Variants in SLC17A8 observed in about 807,000 individuals in gnomAD.
SLC17A8 encodes the protein solute carrier family 17 member 8, also known as vesicular glutamate transporter 3.
SLC17A8 carries 31 observed loss-of-function variants against 58.0 expected under a neutral mutation model. The ratio of observed to expected loss-of-function variants is 0.53; its 90% CI spans 0.40 to 0.72. The LOEUF is 0.72. Ranked by LOEUF, SLC17A8 falls within the 30% of genes least tolerant of loss-of-function variation. SLC17A8 has a pLI of 0.00. For synonymous variants in SLC17A8, 228 were observed against 249.0 expected (o/e 0.92, Z 0.79); for missense variants, 655 against 727.8 (o/e 0.90, Z 1.15).
intron 4 of SLC17A8, among the ~76,000 whole-genome samples, chr12:100,394,352 T>A (rs1441131314): frequency 6.6e-6 from 1 of 150,900 alleles, no homozygotes; most frequent in African/African-American, 2.4e-5. Context: ...CTCTAAGCAA[T>A]ACCATCTTTG....
intron 1 of SLC17A8, among the ~76,000 whole-genome samples, chr12:100,378,081 A>T (rs561187766): frequency 1.3e-5 from 2 of 152,320 alleles, no homozygotes; most frequent in Non-Finnish European, 2.9e-5. Context: ...TAGCATATAC[A>T]TGGTATCTAA....
intron 9 of SLC17A8, 124 bp from the exon 10 acceptor site, chr12:100,412,646 T>TAAAAA: frequency 1.8e-6 from 1 of 542,206 alleles, no homozygotes; most frequent in Non-Finnish European, 3.4e-6. Context: ...AAAAAAAACA[T>TAAAAA]AGACACAAAC....
At chr12:100,411,850 T>G (rs577893500) in intron 9 of SLC17A8, among the ~76,000 whole-genome samples, 9 of 152,058 alleles carry the variant, frequency 5.9e-5, no homozygotes, top group South Asian at 4.2e-4. Flanking sequence ...TTGTTTGTTT[T>G]TTTTTTTTTT....
intron 5 of SLC17A8, 80 bp downstream of exon 5, chr12:100,396,497 C>T: frequency 8.6e-7 from 1 of 1,163,440 alleles, no homozygotes; most frequent in Non-Finnish European, 1.3e-6. Context: ...CCTGTAATCT[C>T]AGCACTTTAG....
At chr12:100,383,588 T>A (rs2135988475) in intron 2 of SLC17A8, among the ~76,000 whole-genome samples, 1 of 152,362 alleles carries the variant, frequency 6.6e-6, no homozygotes, top group African/African-American at 2.4e-5. Flanking sequence ...GGCACTGAGA[T>A]ATCTTTAAAT....
intron 10 of SLC17A8, among the ~76,000 whole-genome samples, chr12:100,415,997 A>C (rs1421693039): frequency 2.6e-5 from 4 of 152,222 alleles, no homozygotes; most frequent in Non-Finnish European, 5.9e-5. Flanking sequence ...ACTGACTGGC[A>C]CAATTTAGGA....
At chr12:100,392,073 G>A (rs1566396032) in intron 3 of SLC17A8, among the ~76,000 whole-genome samples, 1 of 152,134 alleles carries the variant, frequency 6.6e-6, no homozygotes, top group East Asian at 1.9e-4. Context: ...TGGGGGAGAT[G>A]TTGTAGAATG....
Position 100,399,164 on chromosome 12 carries a change from G to A in SLC17A8, c.677-2613G>A, listed in dbSNP as rs190874576. ...TTACAGCTAGTGAGGGCCGAACCGGGGGCTCTTTCTCACCCCCAGTTCTGT... is the reference window on the plus strand; with the variant it reads ...TTACAGCTAGTGAGGGCCGAACCGGAGGCTCTTTCTCACCCCCAGTTCTGT... On this transcript the variant is annotated intron_variant, in intron 5 of 11. Transcript: ENST00000323346. 3.9e-5 allele frequency among the ~76,000 whole-genome samples: 6 copies of A among 152,190 alleles called. No homozygotes were observed. In the East Asian group the frequency reaches 7.7e-4, roughly 20 times the overall value.
chr12:100,415,334 T>TA (rs1352095546), intron 10 of SLC17A8, among the ~76,000 whole-genome samples: 1 of 151,088 alleles, frequency 6.6e-6, no homozygotes, highest in East Asian at 2.0e-4. Flanking sequence ...GTTGTGGTGG[T>TA]ATGTGCCTGT....
chr12:100,413,787 G>T (rs1952887760), intron 10 of SLC17A8, among the ~76,000 whole-genome samples: 1 of 152,000 alleles, frequency 6.6e-6, no homozygotes, highest in Admixed American at 6.6e-5. Context: ...ACCAGCCTGG[G>T]CAACATGGCA....
At chr12:100,379,609 A>G (rs1952619125) in intron 1 of SLC17A8, among the ~76,000 whole-genome samples, 2 of 152,208 alleles carry the variant, frequency 1.3e-5, no homozygotes, top group Admixed American at 1.3e-4. Flanking sequence ...TTGGACCTTA[A>G]GTGGGCCATG....
intron 9 of SLC17A8, among the ~76,000 whole-genome samples, chr12:100,410,366 G>A (rs1289115095): frequency 2.6e-5 from 4 of 152,058 alleles, no homozygotes; most frequent in Admixed American, 6.5e-5. Context: ...ATGGTGGTGG[G>A]TGCCTATAGT....
chr12:100,383,250 A>C (rs770128255), intron 2 of SLC17A8, among the ~76,000 whole-genome samples: 17 of 152,206 alleles, frequency 1.1e-4, no homozygotes, highest in Non-Finnish European at 1.8e-4. Flanking sequence ...TGGAAAAGAC[A>C]TTTTGATTAA....
chr12:100,384,143 T>C (rs1007997718), intron 2 of SLC17A8, among the ~76,000 whole-genome samples: 1 of 152,226 alleles, frequency 6.6e-6, no homozygotes, highest in African/African-American at 2.4e-5. Flanking sequence ...AGTCCAAAGT[T>C]CTTCCCATGG....
chr12:100,416,904 T>C (rs1297417578), intron 10 of SLC17A8, among the ~76,000 whole-genome samples: 1 of 152,206 alleles, frequency 6.6e-6, no homozygotes, highest in East Asian at 1.9e-4. Context: ...GCATCTCAAC[T>C]AAGCTGCCAG....
intron 2 of SLC17A8, among the ~76,000 whole-genome samples, chr12:100,385,233 ATTTTTT>A (rs397850732): frequency 1.0e-4 from 11 of 106,674 alleles, no homozygotes; most frequent in African/African-American, 3.0e-4. Flanking sequence ...TGTCTTAAAC[ATTTTTT>A]TTTTTTTTTT....
chr12:100,403,937 T>G (rs2136007052), intron 8 of SLC17A8, 101 bp from the exon 9 acceptor site: 2 of 1,340,652 alleles, frequency 1.5e-6, no homozygotes, highest in Middle Eastern at 3.9e-4. Flanking sequence ...AATTTGGTGG[T>G]GGTAGGTAGG....
rs779234661 is a variant in SLC17A8 at position 100,420,487 on chromosome 12, G to T, written c.*328G>T. On this transcript the variant is annotated 3_prime_UTR_variant, in exon 12 of 12. Coordinates refer to ENST00000323346, the MANE Select transcript of SLC17A8 (RefSeq NM_139319.3). ...AAGAAACATTGAAGGAAATTGGGATGTTTGGCCAGAAGGAATGTAAACAGT... is the reference window on the plus strand; with the variant it reads ...AAGAAACATTGAAGGAAATTGGGATTTTTGGCCAGAAGGAATGTAAACAGT... 7 of 280,790 alleles carry T rather than the reference G, an allele frequency of 2.5e-5. No homozygotes were observed. Among genetic ancestry groups the T allele is most frequent in the Admixed American group, 4.7e-5 (1 of 21,162 alleles). 17.4% of individuals were successfully genotyped at this position (280,790 alleles called of 1,614,324 possible).
chr12:100,373,285 T>C (rs1952570881), intron 1 of SLC17A8, among the ~76,000 whole-genome samples: 2 of 152,192 alleles, frequency 1.3e-5, no homozygotes, highest in South Asian at 4.1e-4. Context: ...ATAATTAAAG[T>C]CCTCCAACTC....
Sources: gnomAD v4.1 joint callset for allele counts (sites outside exome capture counted in the v4.1 genomes callset) on GRCh38, gnomAD v4.1.1 for gene constraint, MANE v1.5 for transcripts, NCBI Gene and HGNC (gene_info 2026-07-23, HGNC 2026-07-21) for gene names.